The following PARD3 variants were observed in gnomAD, a reference collection of about 807,000 sequenced individuals.
The protein encoded by PARD3 is partitioning defective 3 homolog.
PARD3 carries 75 observed loss-of-function variants against 155.4 expected under a neutral mutation model. The observed-to-expected ratio is 0.48, with a 90% CI of 0.40 to 0.58. The LOEUF (loss-of-function observed/expected upper bound fraction) is 0.58. Among genes scored for constraint, PARD3 ranks in the 20% least tolerant of loss-of-function variants. The probability of loss-of-function intolerance (pLI) is 0.00; values close to 1 mark genes in which losing one functional copy is unlikely to be tolerated. For missense variants in PARD3, 1,642 were observed against 1,721.7 expected, an observed-to-expected ratio of 0.95 and a Z score of 0.82; for synonymous variants, 576 against 610.5, an observed-to-expected ratio of 0.94 and a Z score of 0.83.
chr10:34,436,471 A>G (rs902160641), intron 5 of PARD3, among the ~76,000 whole-genome samples: 1 of 152,246 alleles, frequency 6.6e-6, no homozygotes, highest in East Asian at 1.9e-4. Context: ...TAGAGTGAAC[A>G]GGGTCTCTTG....
chr10:34,369,027 T>C lies in PARD3; in HGVS notation c.1707+3471A>G, dbSNP rs374853468. ...ATATATGTAGCTTAGCTTTTTTTTTTCCCCCCTCAACATACTAAGTCACAT... is the reference window on the plus strand; with the variant it reads ...ATATATGTAGCTTAGCTTTTTTTTTCCCCCCCTCAACATACTAAGTCACAT... On this transcript the variant is annotated intron_variant, in intron 12 of 24. Coordinates refer to ENST00000374788, the MANE Select transcript of PARD3 (RefSeq NM_001184785.2). 2.1e-3 allele frequency among the ~76,000 whole-genome samples: 323 copies of C among 150,538 alleles called. 1 individual carries two copies. The highest frequency in any genetic ancestry group is 7.2e-3 in the African/African-American group (292 of 40,350).
In PARD3 at chr10:34,111,444, T is replaced by C. The variant is rs1448136497; in HGVS notation, c.3787A>G (p.Arg1263Gly). The change falls in exon 25 of 25, where the codon AGG (arginine) becomes GGG (glycine). Residue 1263 changes from arginine to glycine, a missense_variant. By Grantham distance (125) the Arg-to-Gly change is moderately radical. Around this residue, in one of 3 missense-constraint regions of PARD3, gnomAD observed 1,529 missense variants for 1,587.3 expected, o/e 0.96. Transcript: ENST00000374788. Reference sequence around the variant, plus strand: ...CCATGTCCTCCCAGGTAGCCGTTCCTGGAGCCTTGGTAGCTGGAGTACCTG... The same window carrying C: ...CCATGTCCTCCCAGGTAGCCGTTCCCGGAGCCTTGGTAGCTGGAGTACCTG... ...NPRYSSYQGSRNGYLGGHGFN... is the reference protein window; with the variant it reads ...NPRYSSYQGSGNGYLGGHGFN... The C allele has an allele frequency of 1.9e-6, 3 of 1,614,172 alleles. No individual in the cohort carries two copies. In the Admixed American group the frequency reaches 5.0e-5, roughly 27 times the overall value.
chr10:34,199,871 G>A (rs1421618880), intron 22 of PARD3, among the ~76,000 whole-genome samples: 2 of 151,984 alleles, frequency 1.3e-5, no homozygotes, highest in South Asian at 2.1e-4. Context: ...AAGACTATTC[G>A]AATGTGTTAC....
At chr10:34,731,728 T>A (rs1300653469) in intron 1 of PARD3, among the ~76,000 whole-genome samples, 2 of 152,228 alleles carry the variant, frequency 1.3e-5, no homozygotes, top group African/African-American at 4.8e-5. Flanking sequence ...CCTAATTCCT[T>A]CTTCCACAGT....
At chr10:34,393,596 G>A (rs1843042075) in intron 7 of PARD3, among the ~76,000 whole-genome samples, 1 of 151,312 alleles carries the variant, frequency 6.6e-6, no homozygotes, top group African/African-American at 2.4e-5. Context: ...AAGATCCAGA[G>A]AAGAAAACTT....
chr10:34,640,372 T>C (rs1429100029), intron 2 of PARD3, among the ~76,000 whole-genome samples: 1 of 152,160 alleles, frequency 6.6e-6, no homozygotes, highest in South Asian at 2.1e-4. Context: ...ATACCAGTAC[T>C]TTGGGAGGCC....
At chr10:34,225,755 T>C (rs1952567635) in intron 22 of PARD3, among the ~76,000 whole-genome samples, 5 of 152,202 alleles carry the variant, frequency 3.3e-5, no homozygotes, top group Admixed American at 3.3e-4. Flanking sequence ...ACCATAGGCA[T>C]GTACATAAGA....
At chr10:34,762,839 C>G (rs1324418263) in intron 1 of PARD3, among the ~76,000 whole-genome samples, 1 of 152,156 alleles carries the variant, frequency 6.6e-6, no homozygotes, top group Non-Finnish European at 1.5e-5. Context: ...ACCAGCAAAC[C>G]TACCAGCTAC....
intron 22 of PARD3, among the ~76,000 whole-genome samples, chr10:34,209,977 C>T (rs1202423367): frequency 6.6e-6 from 1 of 152,074 alleles, no homozygotes; most frequent in Non-Finnish European, 1.5e-5. Context: ...GGAGATGAGA[C>T]TCATTGAATT....
At chr10:34,739,043 G>A (rs778115963) in intron 1 of PARD3, among the ~76,000 whole-genome samples, 7 of 152,066 alleles carry the variant, frequency 4.6e-5, no homozygotes, top group East Asian at 1.9e-4. Context: ...CACTTTCTCC[G>A]TTTTGTTTAA....
At chr10:34,322,712 C>T (rs566190870) in intron 19 of PARD3, among the ~76,000 whole-genome samples, 2 of 152,204 alleles carry the variant, frequency 1.3e-5, no homozygotes, top group South Asian at 4.2e-4. Context: ...ACAATACTCT[C>T]CTCTGAGGGA....
chr10:34,417,574 TCAAAATAAA>T (rs1845791534), intron 5 of PARD3, among the ~76,000 whole-genome samples: 1 of 152,224 alleles, frequency 6.6e-6, no homozygotes, highest in Admixed American at 6.5e-5. Flanking sequence ...TTAATTATTT[TCAAAATAAA>T]GAAAATAATT....
At chr10:34,482,295 A>G (rs939050881) in intron 3 of PARD3, among the ~76,000 whole-genome samples, 22 of 152,026 alleles carry the variant, frequency 1.4e-4, no homozygotes, top group African/African-American at 4.8e-4. Flanking sequence ...TCAGCCTACC[A>G]AAGTGCTGGT....
intron 2 of PARD3, among the ~76,000 whole-genome samples, chr10:34,628,415 C>T (rs1256595887): frequency 6.6e-6 from 1 of 152,236 alleles, no homozygotes; most frequent in Non-Finnish European, 1.5e-5. Flanking sequence ...TAGGTGAAGG[C>T]TCAGCACATG....
At chr10:34,606,638 CAAAAAAAAAAA>C (rs398013195) in intron 2 of PARD3, among the ~76,000 whole-genome samples, 4 of 79,656 alleles carry the variant, frequency 5.0e-5, no homozygotes, top group Admixed American at 1.5e-4. Flanking sequence ...CCCGTGTCTT[CAAAAAAAAAAA>C]AAAAAAAAAA....
chr10:34,323,473 A>G (rs912156325), intron 19 of PARD3, among the ~76,000 whole-genome samples: 1 of 152,212 alleles, frequency 6.6e-6, no homozygotes, highest in African/African-American at 2.4e-5. Flanking sequence ...GAATCAGGTG[A>G]CATTTATTAG....
At position 34,110,678 on chromosome 10, in the gene PARD3, G is replaced by A. The variant is rs560264056; in HGVS notation, c.*491C>T. ...GAAAACCACAGTGATGACAAAGTACGACAAATGGCTGTGCTGTGAAGTACC... is the reference window on the plus strand; with the variant it reads ...GAAAACCACAGTGATGACAAAGTACAACAAATGGCTGTGCTGTGAAGTACC... On this transcript the variant is annotated 3_prime_UTR_variant, in exon 25 of 25. Transcript: ENST00000374788. 65 of 152,606 alleles carry A rather than the reference G, an allele frequency of 4.3e-4. No individual in the cohort carries two copies. Among genetic ancestry groups the A allele is most frequent in the South Asian group, 2.1e-3 (10 of 4,814 alleles). 9.5% of individuals were successfully genotyped at this position (152,606 alleles called of 1,614,324 possible). A position where few individuals can be genotyped will look rare whatever the true frequency, so the allele number is the denominator to read the frequency against.
At chr10:34,363,091 GTTC>G (rs1185571542) in intron 12 of PARD3, among the ~76,000 whole-genome samples, 1 of 152,148 alleles carries the variant, frequency 6.6e-6, no homozygotes, top group East Asian at 1.9e-4. Flanking sequence ...ACTCTGGAAG[GTTC>G]TTAATTGTTA....
chr10:34,666,816 T>TATATACACAC (rs765552982), intron 2 of PARD3, among the ~76,000 whole-genome samples: 25 of 88,802 alleles, frequency 2.8e-4, no homozygotes, highest in East Asian at 1.0e-3. Flanking sequence ...TATATATATA[T>TATATACACAC]ACACACACAC....
Sources: allele counts gnomAD v4.1 joint callset (sites outside exome capture counted in the v4.1 genomes callset), GRCh38; gene constraint gnomAD v4.1.1; regional missense constraint gnomAD v4.1.1; transcripts MANE v1.5; gene names NCBI Gene and HGNC (gene_info 2026-07-23, HGNC 2026-07-21).